NPLOC4: variants seen among roughly 807,000 people sequenced by gnomAD.
NPLOC4 encodes NPL4 homolog, ubiquitin recognition factor, also known as nuclear protein localization protein 4 homolog.
A neutral mutation model predicts 80.6 loss-of-function variants in NPLOC4; 18 were observed. The observed-to-expected ratio is 0.22, with a 90% CI of 0.15 to 0.33. The LOEUF is 0.33. NPLOC4 is among the 10% of genes least tolerant of loss of function. The pLI is 1.00. For synonymous variants in NPLOC4, 313 were observed against 301.5 expected, an observed-to-expected ratio of 1.04 and a Z score of -0.39; for missense variants, 540 against 786.1, an observed-to-expected ratio of 0.69 and a Z score of 3.74.
Position 81,559,206 on chromosome 17 carries a change from G to C in NPLOC4, c.*53C>G, listed in dbSNP as rs978095554. ...GGGAACACACTCAGCAACGCTTCTG[G>C]CTTCAGGAAGGGCTGGGCTGGGCCC... On this transcript the variant is annotated 3_prime_UTR_variant, in exon 17 of 17. Coordinates refer to ENST00000331134, the MANE Select transcript of NPLOC4 (RefSeq NM_017921.4). 6.5e-7 allele frequency: 1 copy of C among 1,531,768 alleles called. No individual in the cohort carries two copies. Among genetic ancestry groups the C allele is most frequent in the Non-Finnish European group, 8.8e-7 (1 of 1,137,270 alleles). 94.9% of individuals were successfully genotyped at this position (1,531,768 alleles called of 1,614,324 possible). A position where few individuals can be genotyped will look rare whatever the true frequency, so the allele number is the denominator to read the frequency against.
chr17:81,579,909 C>A (rs976549548), intron 12 of NPLOC4, among the ~76,000 whole-genome samples: 7 of 151,970 alleles, frequency 4.6e-5, no homozygotes, highest in Non-Finnish European at 7.4e-5. Context: ...CCCCCATTCT[C>A]CTCTGTGAGC....
chr17:81,586,458 A>T (rs190428184), intron 12 of NPLOC4, among the ~76,000 whole-genome samples: 1 of 152,084 alleles, frequency 6.6e-6, no homozygotes, highest in Admixed American at 6.6e-5. Context: ...AAAAACACAA[A>T]AAATTAGCCG....
intron 12 of NPLOC4, among the ~76,000 whole-genome samples, chr17:81,578,748 C>T (rs1396482690): frequency 6.6e-6 from 1 of 152,182 alleles, no homozygotes; most frequent in Non-Finnish European, 1.5e-5. Context: ...CAATTATCTC[C>T]ACCTCATCTC....
At chr17:81,599,499 T>C (rs2144192152) in intron 9 of NPLOC4, among the ~76,000 whole-genome samples, 1 of 152,276 alleles carries the variant, frequency 6.6e-6, no homozygotes, top group African/African-American at 2.4e-5. Flanking sequence ...GTTTCTTTCC[T>C]AAAGACAGTA....
intron 3 of NPLOC4, among the ~76,000 whole-genome samples, chr17:81,617,681 T>G (rs929507569): frequency 3.5e-5 from 2 of 56,580 alleles, no homozygotes; most frequent in Admixed American, 4.6e-4. Context: ...CCCCTCCGTC[T>G]CTTTCCACGG....
intron 12 of NPLOC4, among the ~76,000 whole-genome samples, chr17:81,583,254 T>C (rs1284388671): frequency 6.6e-6 from 1 of 152,246 alleles, no homozygotes; most frequent in Admixed American, 6.5e-5. Context: ...GTGTTAAATG[T>C]GGCACTTTCT....
At chr17:81,582,728 G>A (rs1256493265) in intron 12 of NPLOC4, among the ~76,000 whole-genome samples, 2 of 152,218 alleles carry the variant, frequency 1.3e-5, no homozygotes, top group East Asian at 3.9e-4. Context: ...TAAAGGAAAA[G>A]ACAGAAGACA....
chr17:81,597,684 G>C (rs907772085), intron 9 of NPLOC4, among the ~76,000 whole-genome samples: 1 of 151,854 alleles, frequency 6.6e-6, no homozygotes, highest in African/African-American at 2.4e-5. Flanking sequence ...TCAGGAGGCT[G>C]AGGCAGGAGA....
At chr17:81,574,803 C>T (rs890478906) in intron 12 of NPLOC4, among the ~76,000 whole-genome samples, 1 of 151,988 alleles carries the variant, frequency 6.6e-6, no homozygotes, top group Admixed American at 6.6e-5. Context: ...GGCTTGAGGT[C>T]GGGAGTTTGA....
chr17:81,574,277 C>T (rs1316270859), intron 12 of NPLOC4, among the ~76,000 whole-genome samples: 7 of 152,218 alleles, frequency 4.6e-5, no homozygotes, highest in African/African-American at 1.7e-4. Context: ...TTGTTAAATG[C>T]CCCTCTCTCT....
In NPLOC4 at chr17:81,613,336, C is replaced by T; in HGVS notation, c.368G>A (p.Arg123Lys). ...YLSKQDGKIY[R>K]SRDPQLCRHG... ...CACTTACAGCTGTGGGTCTCGGCTT[C>T]TGTAAATCTTCCCGTCCTGTTTGCT... Residue 123 changes from arginine (R) to lysine (K), a missense_variant, in exon 4 of 17, where the codon AGA becomes AAA. By Grantham distance (26) the Arg-to-Lys change is conservative. This residue lies in a region of NPLOC4 where 74 missense variants were observed against 75.7 expected (regional missense o/e 0.98). Transcript: ENST00000331134. The T allele has an allele frequency of 6.2e-7, 1 of 1,613,756 alleles. No homozygotes were observed.
At chr17:81,625,871 G>C (rs1173313109) in intron 2 of NPLOC4, among the ~76,000 whole-genome samples, 2 of 152,076 alleles carry the variant, frequency 1.3e-5, no homozygotes, top group African/African-American at 2.4e-5. Context: ...AATGAGGGTT[G>C]GGCGCGGAGG....
intron 1 of NPLOC4, 155 bp from the exon 2 acceptor site, chr17:81,629,960 A>G (rs1207520343): frequency 1.7e-6 from 1 of 602,948 alleles, no homozygotes; most frequent in Non-Finnish European, 3.0e-6. Flanking sequence ...ATCCTTCTAG[A>G]ATATGATGCC....
intron 12 of NPLOC4, among the ~76,000 whole-genome samples, chr17:81,586,524 C>T (rs529938935): frequency 1.1e-4 from 17 of 151,500 alleles, no homozygotes; most frequent in African/African-American, 4.1e-4. Context: ...GCACAAGAAT[C>T]GCTTGAACTC....
At position 81,634,209 on chromosome 17, in the gene NPLOC4, G is replaced by A. The variant is rs1004076878; in HGVS notation, c.15+2707C>T. Among the ~76,000 whole-genome samples the A allele has an allele frequency of 5.9e-5, 9 of 151,810 alleles. No homozygotes were observed. The South Asian group carries it at 8.3e-4, about 14-fold the overall frequency. On this transcript the variant is annotated intron_variant, in intron 1 of 16. Transcript: ENST00000331134. ...AGTAAAGACGTGGTTTCACCATGTC[G>A]GCCAGGCTGGTCTCAACTCCTGACC...
At chr17:81,624,263 CA>C (rs2035740734) in intron 2 of NPLOC4, among the ~76,000 whole-genome samples, 2 of 151,872 alleles carry the variant, frequency 1.3e-5, no homozygotes, top group Non-Finnish European at 2.9e-5. Flanking sequence ...TACTAAAATA[CA>C]AAAATTAGCT....
At chr17:81,595,427 CA>C (rs35337296) in intron 11 of NPLOC4, among the ~76,000 whole-genome samples, 17,259 of 71,868 alleles carry the variant, frequency 0.24, 1,072 homozygotes, top group African/African-American at 0.33. Context: ...GTAAGACTGT[CA>C]AAAAAAAAAA....
rs75271791 is a variant in NPLOC4, at chr17:81,579,738, A to C, written c.1282-7650T>G. Among the ~76,000 whole-genome samples the C allele has an allele frequency of 7.7e-3, 1,165 of 152,242 alleles. 8 individuals carry two copies. Among genetic ancestry groups the C allele is most frequent in the African/African-American group, 0.027 (1,116 of 41,522 alleles). ...CCAGGAAGCAGTACATGCCCATGTC[A>C]GTATTTCCCTTACGTTAATAAAAAC... is the stretch of plus-strand genomic sequence containing the variant. On this transcript the variant is annotated intron_variant, in intron 12 of 16. Coordinates refer to ENST00000331134, the MANE Select transcript of NPLOC4 (RefSeq NM_017921.4).
At position 81,567,441 on chromosome 17, in the gene NPLOC4, G is replaced by A; in HGVS notation, c.1542C>T (p.Val514=). 3 of 1,612,470 alleles carry A rather than the reference G, an allele frequency of 1.9e-6. No individual in the cohort carries two copies. In the South Asian group the frequency reaches 3.3e-5, roughly 18 times the overall value. Residue 514 remains valine, a synonymous_variant, in exon 15 of 17, where the codon GTC becomes GTT. Transcript: ENST00000331134. This position sits in a 1 kb window ranked among gnomAD's most constrained non-coding sequence, Gnocchi z 4.5. The part of the protein sequence containing the change: ...ISDFHLLLFL[V]TNEVMPLQDS... ...CCTGCAGAGGCATAACTTCATTGGT[G>A]ACCAGGAACAGCAAGAGGTGGAAAT...
Sources: allele counts gnomAD v4.1 joint callset (sites outside exome capture counted in the v4.1 genomes callset), GRCh38; gene constraint gnomAD v4.1.1; regional missense constraint gnomAD v4.1.1; non-coding constraint Gnocchi (gnomAD v3.1); transcripts MANE v1.5; gene names NCBI Gene and HGNC (gene_info 2026-07-23, HGNC 2026-07-21).